The following UBR3 variants were observed in gnomAD, a reference collection of about 807,000 sequenced individuals.
The protein encoded by UBR3 is E3 ubiquitin-protein ligase UBR3.
UBR3 carries 85 observed loss-of-function variants against 243.2 expected under a neutral mutation model. The ratio of observed to expected loss-of-function variants is 0.35; its 90% confidence interval spans 0.29 to 0.42. The LOEUF is 0.42. UBR3 is among the 10% of genes least tolerant of loss of function. UBR3 has a pLI of 1.00. For missense variants in UBR3, 1,686 were observed against 2,300.8 expected (o/e 0.73, Z 5.47); for synonymous variants, 748 against 799.8 (o/e 0.94, Z 1.09).
At chr2:170,007,709 C>A (rs575978368) in intron 28 of UBR3, among the ~76,000 whole-genome samples, 1 of 152,132 alleles carries the variant, frequency 6.6e-6, no homozygotes, top group African/African-American at 2.4e-5. Context: ...ACTAAAAATA[C>A]AAAAATTGGC....
At chr2:169,887,351 A>G (rs1261359142) in intron 5 of UBR3, among the ~76,000 whole-genome samples, 1 of 152,176 alleles carries the variant, frequency 6.6e-6, no homozygotes, top group Non-Finnish European at 1.5e-5. Flanking sequence ...TTGGACCATC[A>G]TCTTCTCTTA....
chr2:170,035,416 G>T (rs2090797709), intron 31 of UBR3, among the ~76,000 whole-genome samples: 1 of 151,966 alleles, frequency 6.6e-6, no homozygotes, highest in Non-Finnish European at 1.5e-5. Context: ...TTGTTGAAAA[G>T]ACTGTGTTTT....
intron 5 of UBR3, among the ~76,000 whole-genome samples, chr2:169,881,007 A>G (rs1574108559): frequency 2.0e-5 from 3 of 152,200 alleles, no homozygotes; most frequent in Admixed American, 2.0e-4. Flanking sequence ...ATCATGTCTC[A>G]GTGTGAATAT....
At chr2:169,948,240 A>G (rs1251983076) in intron 22 of UBR3, among the ~76,000 whole-genome samples, 1 of 151,972 alleles carries the variant, frequency 6.6e-6, no homozygotes, top group Non-Finnish European at 1.5e-5. Flanking sequence ...TACATTCATC[A>G]TTGCCACTGT....
At chr2:169,857,264 G>A (rs2105298794) in intron 1 of UBR3, among the ~76,000 whole-genome samples, 1 of 151,468 alleles carries the variant, frequency 6.6e-6, no homozygotes, top group East Asian at 1.9e-4. Flanking sequence ...TAGTAGAGAT[G>A]GGGCTTCGCC....
chr2:170,058,415 CAATGGAAT>C (rs2091384344), intron 33 of UBR3, among the ~76,000 whole-genome samples: 1 of 151,944 alleles, frequency 6.6e-6, no homozygotes, highest in Admixed American at 6.6e-5. Context: ...CTTTTTTGGT[CAATGGAAT>C]TTCTGCTAAG....
intron 10 of UBR3, among the ~76,000 whole-genome samples, chr2:169,911,587 G>A (rs1228279760): frequency 6.6e-6 from 1 of 152,068 alleles, no homozygotes; most frequent in African/African-American, 2.4e-5. Context: ...GAGACAATCA[G>A]AACATGATTA....
intron 1 of UBR3, among the ~76,000 whole-genome samples, chr2:169,837,963 T>C (rs2082162024): frequency 6.6e-6 from 1 of 152,260 alleles, no homozygotes; most frequent in African/African-American, 2.4e-5. Context: ...ATGTCTCTTA[T>C]AACAATACCA....
At chr2:170,067,093 A>G (rs1248138596) in intron 35 of UBR3, among the ~76,000 whole-genome samples, 2 of 152,036 alleles carry the variant, frequency 1.3e-5, no homozygotes, top group Non-Finnish European at 2.9e-5. Context: ...CACACCTCGT[A>G]AGTAAAGCAG....
chr2:170,039,937 T>C (rs1050883083), intron 31 of UBR3, among the ~76,000 whole-genome samples: 1 of 152,172 alleles, frequency 6.6e-6, no homozygotes, highest in African/African-American at 2.4e-5. Flanking sequence ...TCTCACTGTG[T>C]TGCCCAGTTG....
At chr2:169,921,402 G>A (rs1392827679) in intron 11 of UBR3, among the ~76,000 whole-genome samples, 1 of 152,170 alleles carries the variant, frequency 6.6e-6, no homozygotes, top group Non-Finnish European at 1.5e-5. Context: ...AGGACTCTCA[G>A]TATATATAGG....
chr2:169,849,159 C>T (rs186873805), intron 1 of UBR3, among the ~76,000 whole-genome samples: 282 of 152,260 alleles, frequency 1.9e-3, no homozygotes, highest in Middle Eastern at 6.8e-3. Context: ...GAAGCTTTGG[C>T]GCAGCGTGGG....
At chr2:169,842,001 T>G (rs2082310039) in intron 1 of UBR3, among the ~76,000 whole-genome samples, 1 of 152,182 alleles carries the variant, frequency 6.6e-6, no homozygotes, top group Non-Finnish European at 1.5e-5. Flanking sequence ...GGCTCCTGAG[T>G]CTGGTGGGGA....
intron 1 of UBR3, among the ~76,000 whole-genome samples, chr2:169,850,700 C>T (rs909048842): frequency 5.3e-5 from 8 of 151,922 alleles, no homozygotes; most frequent in African/African-American, 7.3e-5. Context: ...AAAAATTAGC[C>T]GGGCGTGGTG....
chr2:169,884,955 G>GAGT (rs1389808249), intron 5 of UBR3, among the ~76,000 whole-genome samples: 3 of 152,326 alleles, frequency 2.0e-5, no homozygotes, highest in South Asian at 4.1e-4. Context: ...GATAGAGGAA[G>GAGT]AGTACTTAAA....
At chr2:169,934,301 G>A (rs930110684) in intron 19 of UBR3, among the ~76,000 whole-genome samples, 1 of 152,140 alleles carries the variant, frequency 6.6e-6, no homozygotes, top group African/African-American at 2.4e-5. Flanking sequence ...GGGTAGTGAT[G>A]ATGGTTAGTT....
chr2:169,944,012 G>A (rs1477912429), intron 20 of UBR3, among the ~76,000 whole-genome samples: 2 of 151,964 alleles, frequency 1.3e-5, no homozygotes, highest in African/African-American at 2.4e-5. Flanking sequence ...CACCTTGGGT[G>A]GTTTATTTTC....
intron 5 of UBR3, among the ~76,000 whole-genome samples, chr2:169,886,962 T>A (rs1448160537): frequency 6.6e-6 from 1 of 152,204 alleles, no homozygotes; most frequent in Non-Finnish European, 1.5e-5. Context: ...GTAGTCTGTG[T>A]TAATATTCTT....
chr2:169,852,883 A>AAAAAAAAAAAAAAAAAAAAAAAAAAAAC (rs1491293579), intron 1 of UBR3, among the ~76,000 whole-genome samples: 2 of 59,732 alleles, frequency 3.3e-5, no homozygotes. Flanking sequence ...AAAAAACAAA[A>AAAAAAAAAAAAAAAAAAAAAAAAAAAAC]CCAAACAAAT....
Sources: gnomAD v4.1 joint callset for allele counts (sites outside exome capture counted in the v4.1 genomes callset) on GRCh38, gnomAD v4.1.1 for gene constraint, MANE v1.5 for transcripts, NCBI Gene and HGNC (gene_info 2026-07-23, HGNC 2026-07-21) for gene names.